Variants in RANBP2 observed in about 807,000 individuals in gnomAD.
The protein encoded by RANBP2 is E3 SUMO-protein ligase RanBP2.
In RANBP2, 57 loss-of-function variants were observed where a neutral mutation model predicts 303.6. The ratio of observed to expected loss-of-function variants is 0.19; its 90% CI spans 0.15 to 0.23. The LOEUF (loss-of-function observed/expected upper bound fraction) is 0.23, where lower values mean the gene tolerates loss of function less well. RANBP2 is among the 10% of genes least tolerant of loss of function. The pLI is 1.00. For synonymous variants in RANBP2, 1,167 were observed against 1,301.5 expected, an observed-to-expected ratio of 0.90 and a Z score of 2.23; for missense variants, 3,138 against 3,780.8, an observed-to-expected ratio of 0.83 and a Z score of 4.46.
the RANBP2 span, among the ~76,000 whole-genome samples, chr2:109,447,499 A>C: frequency 6.6e-6 from 1 of 152,322 alleles, no homozygotes; most frequent in South Asian, 2.1e-4. Context: ...GCTGGTAGAA[A>C]ATGATTACAG....
the RANBP2 span, among the ~76,000 whole-genome samples, chr2:109,712,364 A>G: frequency 2.0e-5 from 3 of 152,268 alleles, no homozygotes; most frequent in East Asian, 1.9e-4. Flanking sequence ...TCTCAGGGCT[A>G]TGTAGAACTT....
At chr2:109,621,914 AAAATAAATAAAT>A in the RANBP2 span, among the ~76,000 whole-genome samples, 13 of 146,596 alleles carry the variant, frequency 8.9e-5, no homozygotes, top group South Asian at 2.2e-3. Context: ...CTCCATCTCA[AAAATAAATAAAT>A]AAATAAATAA....
chr2:109,705,396 A>T, the RANBP2 span, among the ~76,000 whole-genome samples: 1 of 152,166 alleles, frequency 6.6e-6, no homozygotes, highest in East Asian at 1.9e-4. Flanking sequence ...ACAAGAGCAA[A>T]ACTCTGTCAC....
chr2:109,253,956 A>G, the RANBP2 span, among the ~76,000 whole-genome samples: 1 of 151,938 alleles, frequency 6.6e-6, no homozygotes, highest in Non-Finnish European at 1.5e-5. Flanking sequence ...AGGCTGTCAA[A>G]TGTATTGGGA....
At chr2:109,513,456 AC>A in the RANBP2 span, among the ~76,000 whole-genome samples, 1 of 151,720 alleles carries the variant, frequency 6.6e-6, no homozygotes, top group Non-Finnish European at 1.5e-5. Context: ...ACACACGTGC[AC>A]ATATAGACAC....
chr2:109,035,109 C>T, the RANBP2 span, among the ~76,000 whole-genome samples: 1 of 152,158 alleles, frequency 6.6e-6, no homozygotes, highest in Admixed American at 6.5e-5. Context: ...CAGCATGGTA[C>T]ACGTATGTTT....
At chr2:109,554,344 T>G in the RANBP2 span, among the ~76,000 whole-genome samples, 1 of 152,226 alleles carries the variant, frequency 6.6e-6, no homozygotes, top group African/African-American at 2.4e-5. Context: ...CATTTGTGTA[T>G]CGTATACACA....
the RANBP2 span, among the ~76,000 whole-genome samples, chr2:109,522,640 A>C: frequency 6.6e-6 from 1 of 150,474 alleles, no homozygotes; most frequent in East Asian, 1.9e-4. Flanking sequence ...TCCTGAGCTC[A>C]AGCAATCCTC....
the RANBP2 span, among the ~76,000 whole-genome samples, chr2:109,408,350 G>A: frequency 2.0e-5 from 3 of 152,176 alleles, no homozygotes; most frequent in Admixed American, 1.3e-4. Flanking sequence ...CTGGACGGGA[G>A]GACTGTGAGG....
the RANBP2 span, among the ~76,000 whole-genome samples, chr2:108,991,804 T>C: frequency 2.6e-5 from 4 of 152,186 alleles, no homozygotes; most frequent in Non-Finnish European, 4.4e-5. Context: ...ATTTTAAATT[T>C]GTGTCTTTTA....
In RANBP2 at chr2:108,737,881, T is replaced by G. The variant is rs184237927; in HGVS notation, c.782+1632T>G. On this transcript the variant is annotated intron_variant, in intron 6 of 28. Transcript: ENST00000283195. ...GGCGCCCACCACCACGCTCCGCTAA[T>G]TTTTTTGTATTTTTAGTAGAGACGG... Among the ~76,000 whole-genome samples the G allele has an allele frequency of 6.8e-3, 1,010 of 149,602 alleles. 10 individuals are homozygous for G. Among genetic ancestry groups the G allele is most frequent in the African/African-American group, 0.024 (962 of 40,618 alleles).
At chr2:109,000,913 G>T in the RANBP2 span, among the ~76,000 whole-genome samples, 1 of 152,104 alleles carries the variant, frequency 6.6e-6, no homozygotes, top group African/African-American at 2.4e-5. Context: ...AGACTGTTGG[G>T]TCAGAGTGCT....
At chr2:109,722,782 C>T in the RANBP2 span, among the ~76,000 whole-genome samples, 1 of 152,186 alleles carries the variant, frequency 6.6e-6, no homozygotes, top group Non-Finnish European at 1.5e-5. Context: ...GCTTCCAAAT[C>T]CATCTATGTC....
At chr2:109,142,161 G>A in the RANBP2 span, among the ~76,000 whole-genome samples, 2 of 152,052 alleles carry the variant, frequency 1.3e-5, no homozygotes, top group African/African-American at 2.4e-5. Flanking sequence ...GAGCAGCAAG[G>A]GAATGCTTCC....
At chr2:109,470,315 G>A in the RANBP2 span, among the ~76,000 whole-genome samples, 1 of 152,166 alleles carries the variant, frequency 6.6e-6, no homozygotes, top group African/African-American at 2.4e-5. Context: ...ATCCATGCTT[G>A]CATTTCGGGT....
the RANBP2 span, among the ~76,000 whole-genome samples, chr2:109,318,996 G>T: frequency 1.3e-5 from 2 of 152,216 alleles, no homozygotes; most frequent in Non-Finnish European, 2.9e-5. Context: ...ACAGATCAAA[G>T]CCCTCTGCTA....
the RANBP2 span, chr2:108,929,047 C>T: frequency 1.1e-6 from 1 of 901,546 alleles, no homozygotes; most frequent in Non-Finnish European, 1.8e-6. Flanking sequence ...GTCCTGGATG[C>T]TGCTCCTTGT....
At chr2:109,072,076 C>A in the RANBP2 span, among the ~76,000 whole-genome samples, 2 of 152,154 alleles carry the variant, frequency 1.3e-5, no homozygotes, top group Admixed American at 1.3e-4. Context: ...GTGTGTGAAA[C>A]CCTGGCCAAA....
the RANBP2 span, among the ~76,000 whole-genome samples, chr2:109,446,366 C>A: frequency 2.0e-5 from 3 of 152,220 alleles, no homozygotes; most frequent in African/African-American, 7.2e-5. Context: ...GTGAATTAAG[C>A]AGCCATGTCC....
Sources: allele counts gnomAD v4.1 joint callset (sites outside exome capture counted in the v4.1 genomes callset), GRCh38; gene constraint gnomAD v4.1.1; transcripts MANE v1.5; gene names NCBI Gene and HGNC (gene_info 2026-07-23, HGNC 2026-07-21).